Variants in AGAP1 observed in about 807,000 individuals in gnomAD.
AGAP1 encodes the protein ArfGAP with GTPase domain, ankyrin repeat and PH domain 1.
In AGAP1, 29 loss-of-function variants were observed where a neutral mutation model predicts 105.3. The ratio of observed to expected loss-of-function variants is 0.28; its 90% CI spans 0.21 to 0.38. The LOEUF (loss-of-function observed/expected upper bound fraction) is 0.38, where lower values mean the gene tolerates loss of function less well. Ranked by LOEUF, AGAP1 falls within the 10% of genes least tolerant of loss-of-function variation. AGAP1 has a pLI of 1.00. For missense variants in AGAP1, 998 were observed against 1,165.1 expected, an observed-to-expected ratio of 0.86 and a Z score of 2.09; for synonymous variants, 509 against 485.9, an observed-to-expected ratio of 1.05 and a Z score of -0.63.
rs1559351193 is a variant in AGAP1, at chr2:235,686,658, TA to T, written c.164-22520del. Among the ~76,000 whole-genome samples, 172 of 58,760 alleles carry T rather than the reference TA, an allele frequency of 2.9e-3. 10 individuals are homozygous for T. Among genetic ancestry groups the T allele is most frequent in the East Asian group, 8.7e-3 (15 of 1,724 alleles). The allele number at this position is 58,760 out of a possible 152,430, so 38.5% of individuals were successfully genotyped here. On this transcript the variant is annotated intron_variant, in intron 1 of 17. Transcript: ENST00000304032. ...ATATATATATATAGATATATATATATATATATATTTTTTTTTTTTTTTAGAC... is the reference window on the plus strand; with the variant it reads ...ATATATATATATAGATATATATATATTATATATTTTTTTTTTTTTTTAGAC...
chr2:235,884,235 G>C (rs970798705), intron 10 of AGAP1, among the ~76,000 whole-genome samples: 2 of 152,016 alleles, frequency 1.3e-5, no homozygotes, highest in African/African-American at 4.8e-5. Flanking sequence ...ATGGATTCTG[G>C]GATCTGCCTT....
intron 1 of AGAP1, among the ~76,000 whole-genome samples, chr2:235,687,656 G>A (rs1401440280): frequency 6.6e-6 from 1 of 152,078 alleles, no homozygotes. Context: ...TTTTCATTTT[G>A]TCCGTTTCCA....
rs1397099844 is a variant in AGAP1, at chr2:235,642,434, CTA to C, written c.164-66743_164-66742del. Among the ~76,000 whole-genome samples the C allele has an allele frequency of 6.6e-6, 1 of 152,180 alleles. No homozygotes were observed. The highest frequency in any genetic ancestry group is 1.9e-4 in the East Asian group (1 of 5,198). Reference sequence around the variant, plus strand: ...TCTGCAGGGACTGTCCCCAGTAGGTCTATGAGAGCCCACCACAGCAGCAGCCC... The same window carrying C: ...TCTGCAGGGACTGTCCCCAGTAGGTCTGAGAGCCCACCACAGCAGCAGCCC... On this transcript the variant is annotated intron_variant, in intron 1 of 17. Transcript: ENST00000304032. This position sits in a 1 kb window ranked among gnomAD's most constrained non-coding sequence, Gnocchi z 4.1.
intron 13 of AGAP1, among the ~76,000 whole-genome samples, chr2:235,987,607 G>A (rs1029440630): frequency 5.4e-5 from 8 of 149,436 alleles, no homozygotes; most frequent in African/African-American, 7.4e-5. Flanking sequence ...GGATTAGTTC[G>A]TTGTTGCCTC....
intron 9 of AGAP1, among the ~76,000 whole-genome samples, chr2:235,831,026 C>G (rs3795893): frequency 0.16 from 24,746 of 151,928 alleles, 2,389 homozygotes; most frequent in South Asian, 0.26. Context: ...GCATTTGCTA[C>G]TTTTATAAGA....
chr2:235,670,370 G>C (rs1948324740), intron 1 of AGAP1: 2 of 542,842 alleles, frequency 3.7e-6, no homozygotes, highest in Non-Finnish European at 6.6e-6. Context: ...GCGCGCTTGG[G>C]ATTTCCGCAC....
At chr2:236,107,448 A>G (rs551003645) in intron 16 of AGAP1, among the ~76,000 whole-genome samples, 39 of 152,232 alleles carry the variant, frequency 2.6e-4, no homozygotes, top group African/African-American at 7.0e-4. Flanking sequence ...GATTCCTCAG[A>G]CAGTCTCCAT....
At chr2:235,759,687 T>G (rs1389816049) in intron 6 of AGAP1, among the ~76,000 whole-genome samples, 1 of 152,092 alleles carries the variant, frequency 6.6e-6, no homozygotes, top group Non-Finnish European at 1.5e-5. Flanking sequence ...TCTTATGCCA[T>G]ATCCCTGGTT....
chr2:235,661,785 C>T (rs1947965140), intron 1 of AGAP1, among the ~76,000 whole-genome samples: 2 of 152,174 alleles, frequency 1.3e-5, no homozygotes, highest in Non-Finnish European at 2.9e-5. Flanking sequence ...GGGGGTCTTA[C>T]AGGAGCCAGG....
At chr2:236,006,406 A>G (rs949225741) in intron 13 of AGAP1, among the ~76,000 whole-genome samples, 4 of 152,192 alleles carry the variant, frequency 2.6e-5, no homozygotes, top group Non-Finnish European at 4.4e-5. Context: ...CTGGGGTGCC[A>G]TTTCTTGGTT....
Position 236,120,439 on chromosome 2 carries a change from C to T in AGAP1, c.2362C>T (p.Leu788=), listed in dbSNP as rs754919845. ...GGGGAATGTGGTCCTGGCGCAGCTCCTGATCTGGGTAGGTGGTCGGCACGC... is the reference window on the plus strand; with the variant it reads ...GGGGAATGTGGTCCTGGCGCAGCTCTTGATCTGGGTAGGTGGTCGGCACGC... ...RKGNVVLAQL[L]IWYGVDVTAR... is the part of the protein sequence containing the mutation. Residue 788 remains leucine, a synonymous_variant, in exon 17 of 18, where the codon CTG becomes TTG. Transcript: ENST00000304032. This position sits in a 1 kb window ranked among gnomAD's most constrained non-coding sequence, Gnocchi z 6.0. The T allele has an allele frequency of 2.5e-6, 4 of 1,611,276 alleles. No individual in the cohort carries two copies. The highest frequency in any genetic ancestry group is 3.4e-6 in the Non-Finnish European group (4 of 1,179,778).
intron 11 of AGAP1, among the ~76,000 whole-genome samples, chr2:235,910,507 C>G (rs1343457983): frequency 6.6e-6 from 1 of 152,072 alleles, no homozygotes; most frequent in South Asian, 2.1e-4. Flanking sequence ...GGTGTGCTAA[C>G]TATGGGGTGG....
chr2:235,993,746 C>G lies in AGAP1; in HGVS notation c.1645+25123C>G, dbSNP rs1283882760. On this transcript the variant is annotated intron_variant, in intron 13 of 17. Transcript: ENST00000304032. This position sits in a 1 kb window ranked among gnomAD's most constrained non-coding sequence, Gnocchi z 5.0. ...TAACTTAAACTCTTTCTTACCAAAC[C>G]AGCTATGCCACGCCCTTCTGCTTTG... 6.6e-6 allele frequency among the ~76,000 whole-genome samples: 1 copy of G among 152,198 alleles called. No homozygotes were observed. Among genetic ancestry groups the G allele is most frequent in the Non-Finnish European group, 1.5e-5 (1 of 68,038 alleles).
chr2:235,703,972 C>T (rs947343939), intron 1 of AGAP1, among the ~76,000 whole-genome samples: 10 of 152,158 alleles, frequency 6.6e-5, no homozygotes, highest in South Asian at 4.1e-4. Flanking sequence ...ACCTCGCGCC[C>T]GACCAGAAAT....
chr2:235,932,953 A>G (rs1362713386), intron 12 of AGAP1, among the ~76,000 whole-genome samples: 1 of 152,202 alleles, frequency 6.6e-6, no homozygotes, highest in Non-Finnish European at 1.5e-5. Flanking sequence ...TCACAAAGCA[A>G]TTTCTATAAT....
intron 13 of AGAP1, among the ~76,000 whole-genome samples, chr2:235,997,597 T>C (rs1331005407): frequency 1.3e-5 from 2 of 152,222 alleles, no homozygotes; most frequent in Non-Finnish European, 2.9e-5. Context: ...GCCCACTGTA[T>C]GTGGGGACTG....
chr2:235,637,633 G>T (rs1423404499), intron 1 of AGAP1, among the ~76,000 whole-genome samples: 3 of 152,120 alleles, frequency 2.0e-5, no homozygotes, highest in Non-Finnish European at 2.9e-5. Flanking sequence ...GGACCAGTGG[G>T]CTGTATGTTT....
chr2:235,671,105 G>T, intron 1 of AGAP1: 1 of 1,247,870 alleles, frequency 8.0e-7, no homozygotes. Flanking sequence ...GCGTGGTGGG[G>T]ACTTGCCGGT....
rs750605016 is a variant in AGAP1, at chr2:235,705,230, C to G, written c.164-3949C>G. ...CTGACCTCAGGTGATCTGCGCGCCTCGGCCTCCTAAAGTGTTGGGATTACA... is the reference window on the plus strand; with the variant it reads ...CTGACCTCAGGTGATCTGCGCGCCTGGGCCTCCTAAAGTGTTGGGATTACA... On this transcript the variant is annotated intron_variant, in intron 1 of 17. Coordinates refer to ENST00000304032, the MANE Select transcript of AGAP1 (RefSeq NM_001037131.3). This position sits in a 1 kb window ranked among gnomAD's most constrained non-coding sequence, Gnocchi z 4.9. 6.6e-6 allele frequency among the ~76,000 whole-genome samples: 1 copy of G among 152,120 alleles called. No individual in the cohort carries two copies. Among genetic ancestry groups the G allele is most frequent in the Admixed American group, 6.5e-5 (1 of 15,272 alleles).
Sources: gnomAD v4.1 joint callset for allele counts (sites outside exome capture counted in the v4.1 genomes callset) on GRCh38, gnomAD v4.1.1 for gene constraint, Gnocchi (gnomAD v3.1) non-coding constraint, MANE v1.5 for transcripts, NCBI Gene and HGNC (gene_info 2026-07-23, HGNC 2026-07-21) for gene names.